KCNQ5: variants seen among roughly 807,000 people sequenced by gnomAD.
KCNQ5 encodes potassium voltage-gated channel subfamily KQT member 5.
KCNQ5 carries 30 observed loss-of-function variants against 98.2 expected under a neutral mutation model. That is an observed-to-expected ratio of 0.31 (90% CI 0.23 to 0.41). KCNQ5 has a LOEUF of 0.41. Among genes scored for constraint, KCNQ5 ranks in the 10% least tolerant of loss-of-function variants. The probability of loss-of-function intolerance (pLI) is 1.00; values close to 1 mark genes in which losing one functional copy is unlikely to be tolerated. For synonymous variants in KCNQ5, 458 were observed against 449.4 expected, an observed-to-expected ratio of 1.02 and a Z score of -0.24; for missense variants, 835 against 1,182.5, an observed-to-expected ratio of 0.71 and a Z score of 4.31.
intron 3 of KCNQ5, among the ~76,000 whole-genome samples, chr6:73,063,747 A>ATAGC (rs1255576349): frequency 7.5e-5 from 11 of 145,986 alleles, no homozygotes; most frequent in African/African-American, 2.8e-4. Flanking sequence ...AGATAGATAG[A>ATAGC]TAGATAGATA....
intron 7 of KCNQ5, 31 bp downstream of exon 7, chr6:73,111,434 C>T (rs1335505471): frequency 7.1e-7 from 1 of 1,407,138 alleles, no homozygotes; most frequent in South Asian, 1.2e-5. Context: ...TAGATGGCAA[C>T]ATTTGTGTCC....
intron 2 of KCNQ5, among the ~76,000 whole-genome samples, chr6:73,037,915 T>G (rs1374760529): frequency 3.3e-5 from 5 of 152,108 alleles, no homozygotes; most frequent in African/African-American, 1.2e-4. Flanking sequence ...CAAAAAAAAC[T>G]TTGCTGAGAT....
chr6:73,175,784 G>A (rs1485310110), intron 11 of KCNQ5, among the ~76,000 whole-genome samples: 1 of 152,198 alleles, frequency 6.6e-6, no homozygotes, highest in Non-Finnish European at 1.5e-5. Flanking sequence ...GAAAAGTAGA[G>A]TCAATTACAA....
In KCNQ5 at chr6:73,177,046, G is replaced by C. The variant is rs555758515; in HGVS notation, c.1577+7192G>C. On this transcript the variant is annotated intron_variant, in intron 11 of 13. Coordinates refer to ENST00000370398, the MANE Select transcript of KCNQ5 (RefSeq NM_019842.4). ...AACAGCCAGACAGATGGAAAACCAG[G>C]AGAGCGTGACAGAAGAGAAGCCAGA... Among the ~76,000 whole-genome samples the C allele has an allele frequency of 2.0e-5, 3 of 152,324 alleles. No individual in the cohort carries two copies. In the South Asian group the frequency reaches 6.2e-4, roughly 32 times the overall value.
At chr6:73,085,496 A>G (rs753289356) in intron 5 of KCNQ5, among the ~76,000 whole-genome samples, 25 of 152,102 alleles carry the variant, frequency 1.6e-4, no homozygotes, top group Admixed American at 4.6e-4. Context: ...CAGAGGGGAG[A>G]AAGTTATTGA....
chr6:72,831,805 T>A (rs1280887333), intron 1 of KCNQ5, among the ~76,000 whole-genome samples: 3 of 152,012 alleles, frequency 2.0e-5, no homozygotes, highest in Non-Finnish European at 4.4e-5. Flanking sequence ...CAGAGCCCTT[T>A]TACTAGGGTT....
intron 1 of KCNQ5, among the ~76,000 whole-genome samples, chr6:72,795,416 G>T (rs963152757): frequency 6.6e-6 from 1 of 152,112 alleles, no homozygotes; most frequent in Admixed American, 6.6e-5. Flanking sequence ...AATTTGTATT[G>T]CATATATTAT....
chr6:73,156,718 A>G (rs1777375149), intron 10 of KCNQ5, among the ~76,000 whole-genome samples: 1 of 152,230 alleles, frequency 6.6e-6, no homozygotes, highest in South Asian at 2.1e-4. Context: ...TGCCTTTTTT[A>G]TGCGATGCAT....
At chr6:73,026,052 G>A (rs1276624962) in intron 2 of KCNQ5, among the ~76,000 whole-genome samples, 1 of 152,198 alleles carries the variant, frequency 6.6e-6, no homozygotes, top group African/African-American at 2.4e-5. Flanking sequence ...ACACACTTAT[G>A]AGTCTTGTCC....
At chr6:72,705,774 C>G (rs1046493114) in intron 1 of KCNQ5, among the ~76,000 whole-genome samples, 1 of 151,912 alleles carries the variant, frequency 6.6e-6, no homozygotes, top group Non-Finnish European at 1.5e-5. Flanking sequence ...ATTTTATACC[C>G]TTATTACTTT....
rs184113534 is a variant in KCNQ5 at position 73,136,918 on chromosome 6, C to T, written c.1468+3277C>T. On this transcript the variant is annotated intron_variant, in intron 10 of 13. Transcript: ENST00000370398. The stretch of plus-strand genomic sequence containing the variant: ...TCCAGGTCTATTTGCCCATTCACTT[C>T]TGGGGCTGTTTTCTTCTCCTCTGCT... Among the ~76,000 whole-genome samples the T allele has an allele frequency of 2.5e-3, 378 of 152,256 alleles. 5 individuals are homozygous for T. Among genetic ancestry groups the T allele is most frequent in the African/African-American group, 7.5e-3 (313 of 41,552 alleles).
intron 1 of KCNQ5, among the ~76,000 whole-genome samples, chr6:72,707,752 C>T (rs1301836822): frequency 6.6e-6 from 1 of 152,178 alleles, no homozygotes; most frequent in Non-Finnish European, 1.5e-5. Context: ...CTTACTCTGC[C>T]ACCCAGGCTG....
rs899355463 is a variant in KCNQ5, at chr6:72,682,200, AAAAAC to A, written c.398+59628_398+59632del. 2.1e-4 allele frequency among the ~76,000 whole-genome samples: 32 copies of A among 152,336 alleles called. No individual in the cohort carries two copies. In the South Asian group the frequency reaches 4.1e-3, roughly 20 times the overall value. ...TGTTCTTTGGCCAGCACAGTATTAAAAAAACAAAACAAAACAAAAAACGCTCTATA... is the reference window on the plus strand; with the variant it reads ...TGTTCTTTGGCCAGCACAGTATTAAAAAAACAAAACAAAAAACGCTCTATA... On this transcript the variant is annotated intron_variant, in intron 1 of 13. Transcript: ENST00000370398.
At chr6:72,705,185 G>A (rs1769008822) in intron 1 of KCNQ5, among the ~76,000 whole-genome samples, 2 of 152,062 alleles carry the variant, frequency 1.3e-5, no homozygotes, top group Non-Finnish European at 2.9e-5. Context: ...TCCACCATGG[G>A]GCGTACTAAA....
chr6:73,032,121 A>G (rs1582223841), intron 2 of KCNQ5, among the ~76,000 whole-genome samples: 1 of 152,228 alleles, frequency 6.6e-6, no homozygotes, highest in Non-Finnish European at 1.5e-5. Flanking sequence ...TTTATAGTCA[A>G]CTTGGCTGAC....
intron 1 of KCNQ5, among the ~76,000 whole-genome samples, chr6:72,912,587 T>A (rs2150207250): frequency 6.6e-6 from 1 of 152,298 alleles, no homozygotes; most frequent in South Asian, 2.1e-4. Flanking sequence ...GGGCAAATTG[T>A]CAAATTTTTC....
intron 1 of KCNQ5, among the ~76,000 whole-genome samples, chr6:72,922,741 T>G (rs866656396): frequency 6.6e-6 from 1 of 152,186 alleles, no homozygotes; most frequent in Non-Finnish European, 1.5e-5. Context: ...CTAGATTTCC[T>G]TCTTTTTTAA....
At chr6:72,696,316 A>G (rs760537842) in intron 1 of KCNQ5, among the ~76,000 whole-genome samples, 5 of 152,196 alleles carry the variant, frequency 3.3e-5, no homozygotes, top group Non-Finnish European at 5.9e-5. Context: ...AAAATTGTCA[A>G]ACTATTAACC....
chr6:72,881,173 T>G lies in KCNQ5; in HGVS notation c.399-122735T>G, dbSNP rs566678582. 4.2e-4 allele frequency among the ~76,000 whole-genome samples: 64 copies of G among 152,338 alleles called. 2 individuals carry two copies. The South Asian group carries it at 0.013, about 32-fold the overall frequency. On this transcript the variant is annotated intron_variant, in intron 1 of 13. Coordinates refer to ENST00000370398, the MANE Select transcript of KCNQ5 (RefSeq NM_019842.4). ...GAAGGAAACTCTTATTATCACTATC[T>G]TAGGGATAAGAAAATCAGTCCTAGC...
Sources: allele counts gnomAD v4.1 joint callset (sites outside exome capture counted in the v4.1 genomes callset), GRCh38; gene constraint gnomAD v4.1.1; transcripts MANE v1.5; gene names NCBI Gene and HGNC (gene_info 2026-07-23, HGNC 2026-07-21).